NOC3L: variants seen among roughly 807,000 people sequenced by gnomAD.
NOC3L encodes the protein nucleolar complex protein 3 homolog.
In NOC3L, 85 loss-of-function variants were observed where a neutral mutation model predicts 102.5. That is an observed-to-expected ratio of 0.83 (90% confidence interval 0.70 to 0.99). The LOEUF (loss-of-function observed/expected upper bound fraction) is 0.99, where lower values mean the gene tolerates loss of function less well. NOC3L is among the 50% of genes least tolerant of loss of function. The pLI, the probability that NOC3L is intolerant of heterozygous loss-of-function variation, is 0.00. For synonymous variants in NOC3L, 303 were observed against 309.4 expected (o/e 0.98, Z 0.22); for missense variants, 878 against 914.9 (o/e 0.96, Z 0.52).
At chr10:94,357,480 A>C in intron 3 of NOC3L, 149 bp from the exon 4 acceptor site, 1 of 480,878 alleles carries the variant, frequency 2.1e-6, no homozygotes, top group Non-Finnish European at 3.4e-6. Flanking sequence ...GGCACATAGC[A>C]GGCACTCAAA....
the NOC3L span, chr10:94,325,609 A>AT: frequency 1.3e-5 from 2 of 150,124 alleles, no homozygotes; most frequent in South Asian, 4.2e-4. Context: ...AAAAAAAAAA[A>AT]GAAAAAAAAA....
intron 19 of NOC3L, 70 bp downstream of exon 19, chr10:94,337,705 AAC>A (rs1362150782): frequency 5.0e-6 from 5 of 991,520 alleles, no homozygotes; most frequent in Non-Finnish European, 7.8e-6. Context: ...TACTTTATGA[AAC>A]AGTCTTCTCA....
downstream of NOC3L, chr10:94,330,865 C>T (rs1042626874): frequency 1.3e-5 from 2 of 152,214 alleles, no homozygotes; most frequent in African/African-American, 4.8e-5. Flanking sequence ...ATACCCATTA[C>T]CATTTCACAC....
rs2134018759 is a variant in NOC3L, at chr10:94,362,927, T to C, written c.-89A>G. On this transcript the variant is annotated 5_prime_UTR_variant, in exon 1 of 21. Transcript: ENST00000371361. ...CCGGGGAATGACACACGTGCCGAAG[T>C]CCCTACACTACCAGAGCCGGAAACG... The C allele has an allele frequency of 2.5e-6, 4 of 1,601,652 alleles. No individual in the cohort carries two copies. The highest frequency in any genetic ancestry group is 3.4e-6 in the Non-Finnish European group (4 of 1,169,292).
downstream of NOC3L, chr10:94,330,508 A>C (rs896310221): frequency 3.3e-5 from 5 of 152,068 alleles, no homozygotes; most frequent in Admixed American, 3.3e-4. Context: ...CGTCTCTACT[A>C]AAAATACAAA....
intron 18 of NOC3L, 84 bp downstream of exon 18, chr10:94,338,524 G>A: frequency 7.4e-7 from 1 of 1,359,160 alleles, no homozygotes; most frequent in Non-Finnish European, 9.7e-7. Flanking sequence ...TAAGTACTCT[G>A]GCAATAACAA....
chr10:94,321,661 G>A, the NOC3L span, among the ~76,000 whole-genome samples: 1 of 150,720 alleles, frequency 6.6e-6, no homozygotes, highest in Non-Finnish European at 1.5e-5. Context: ...CAGCTAATAG[G>A]AGCAGATAAA....
intron 2 of NOC3L, 89 bp downstream of exon 2, chr10:94,361,576 A>C: frequency 8.0e-7 from 1 of 1,248,138 alleles, no homozygotes; most frequent in East Asian, 2.3e-5. Flanking sequence ...GAACAAGAAA[A>C]GCGATTACTA....
At chr10:94,325,096 T>G in the NOC3L span, 3 of 1,610,724 alleles carry the variant, frequency 1.9e-6, no homozygotes, top group African/African-American at 1.3e-5. Context: ...GGCAGCATGT[T>G]TAACCCAGGT....
rs2054485603 is a variant in NOC3L, at chr10:94,356,453, A to G, written c.565+82T>C. 2.4e-5 allele frequency: 20 copies of G among 845,438 alleles called. No homozygotes were observed. In the South Asian group the frequency reaches 2.8e-4, roughly 12 times the overall value. 52.4% of individuals were successfully genotyped at this position (845,438 alleles called of 1,614,324 possible). A position where few individuals can be genotyped will look rare whatever the true frequency, so the allele number is the denominator to read the frequency against. Reference sequence around the variant, plus strand: ...CAGTACTCCAAAATGTACCTTCCAGATTTCATCTAAAATTAACTCACATTT... The same window carrying G: ...CAGTACTCCAAAATGTACCTTCCAGGTTTCATCTAAAATTAACTCACATTT... On this transcript the variant is annotated intron_variant, in intron 5 of 20. Coordinates refer to ENST00000371361, the MANE Select transcript of NOC3L (RefSeq NM_022451.11).
At chr10:94,321,776 A>G in the NOC3L span, 11 of 693,658 alleles carry the variant, frequency 1.6e-5, no homozygotes, top group Non-Finnish European at 2.8e-5. Context: ...ATAACATAGT[A>G]TATGAGATAT....
Position 94,337,879 on chromosome 10 carries a change from A to G in NOC3L, c.2092-5T>C, listed in dbSNP as rs1003574522. On this transcript the variant is annotated splice_polypyrimidine_tract_variant and splice_region_variant and intron_variant, in intron 18 of 20. Transcript: ENST00000371361. ...CACTATGGGATGATAATGCCTCTGA[A>G]GGGAAAACGGGACAATCACATTCTG... 2.5e-6 allele frequency: 4 copies of G among 1,606,014 alleles called. No individual in the cohort carries two copies. The highest frequency in any genetic ancestry group is 3.4e-6 in the Non-Finnish European group (4 of 1,172,858).
the NOC3L span, among the ~76,000 whole-genome samples, chr10:94,319,371 GGA>G: frequency 6.6e-6 from 1 of 152,142 alleles, no homozygotes; most frequent in African/African-American, 2.4e-5. Context: ...CACTACTAGA[GGA>G]GACAGATTTG....
chr10:94,327,788 C>A, the NOC3L span, among the ~76,000 whole-genome samples: 1 of 151,988 alleles, frequency 6.6e-6, no homozygotes, highest in East Asian at 1.9e-4. Context: ...CAGAAATAAC[C>A]TAATGTTCTA....
intron 2 of NOC3L, among the ~76,000 whole-genome samples, chr10:94,358,675 C>G (rs1406020381): frequency 6.6e-6 from 1 of 152,174 alleles, no homozygotes; most frequent in Admixed American, 6.5e-5. Context: ...GGCCACATTC[C>G]AAACCCTAGT....
At chr10:94,317,304 T>C in the NOC3L span, among the ~76,000 whole-genome samples, 1 of 152,282 alleles carries the variant, frequency 6.6e-6, no homozygotes, top group South Asian at 2.1e-4. Context: ...AACTATTCCA[T>C]TTTAAAAATA....
intron 13 of NOC3L, among the ~76,000 whole-genome samples, chr10:94,343,876 C>T (rs930064003): frequency 6.6e-6 from 1 of 152,060 alleles, no homozygotes; most frequent in Admixed American, 6.5e-5. Flanking sequence ...TGTAAGTTCA[C>T]ATTATATTTT....
At position 94,341,142 on chromosome 10, in the gene NOC3L, C is replaced by T. The variant is rs372898939; in HGVS notation, c.1644+531G>A. Among the ~76,000 whole-genome samples the T allele has an allele frequency of 5.3e-5, 8 of 151,678 alleles. No individual in the cohort carries two copies. The South Asian group carries it at 8.4e-4, about 16-fold the overall frequency. On this transcript the variant is annotated intron_variant, in intron 14 of 20. Transcript: ENST00000371361. ...GAGCTGTGATTGCACCACTGCACTC[C>T]GGCCTGGGCAACTGAGTGAGACCCT... is the stretch of plus-strand genomic sequence containing the variant.
chr10:94,348,053 C>T (rs914165024), intron 10 of NOC3L, among the ~76,000 whole-genome samples: 9 of 150,874 alleles, frequency 6.0e-5, no homozygotes, highest in Non-Finnish European at 1.0e-4. Flanking sequence ...AATAATTAAG[C>T]AGCATTTTAT....
Sources: allele counts gnomAD v4.1 joint callset (sites outside exome capture counted in the v4.1 genomes callset), GRCh38; gene constraint gnomAD v4.1.1; transcripts MANE v1.5; gene names NCBI Gene and HGNC (gene_info 2026-07-23, HGNC 2026-07-21).